The following TMEM117 variants were observed in gnomAD, a reference collection of about 807,000 sequenced individuals.
TMEM117 encodes the protein transmembrane protein 117.
In TMEM117, 27 loss-of-function variants were observed where a neutral mutation model predicts 52.4. That is an observed-to-expected ratio of 0.51 (90% CI 0.38 to 0.71). The LOEUF (loss-of-function observed/expected upper bound fraction) is 0.71. TMEM117 is among the 30% of genes least tolerant of loss of function. The pLI, the probability that TMEM117 is intolerant of heterozygous loss-of-function variation, is 0.00. For missense variants in TMEM117, 556 were observed against 630.5 expected (o/e 0.88, Z 1.26); for synonymous variants, 215 against 206.3 (o/e 1.04, Z -0.36).
chr12:44,164,430 C>T (rs1002044412), intron 4 of TMEM117, among the ~76,000 whole-genome samples: 1 of 152,086 alleles, frequency 6.6e-6, no homozygotes, highest in Non-Finnish European at 1.5e-5. Flanking sequence ...CATAACTTAG[C>T]CCCAACTTAT....
At chr12:43,859,744 T>G (rs1461153688) in intron 2 of TMEM117, among the ~76,000 whole-genome samples, 2 of 152,162 alleles carry the variant, frequency 1.3e-5, no homozygotes, top group African/African-American at 4.8e-5. Context: ...GGAAGACTGA[T>G]AGTGCAAATA....
At position 44,277,179 on chromosome 12, in the gene TMEM117, A is replaced by G. The variant is rs11182456; in HGVS notation, c.609-22401A>G. On this transcript the variant is annotated intron_variant, in intron 5 of 7. Transcript: ENST00000266534. ...ATTTTTATTTTCTAATTCAATGATC[A>G]TTTTCCTGTGAATACATGTTTTTGC... is the stretch of plus-strand genomic sequence containing the variant. 2.4e-3 allele frequency among the ~76,000 whole-genome samples: 359 copies of G among 152,046 alleles called. 10 individuals carry two copies. Among genetic ancestry groups the G allele is most frequent in the Admixed American group, 0.02 (300 of 15,252 alleles).
At chr12:44,080,835 G>A (rs942486583) in intron 3 of TMEM117, among the ~76,000 whole-genome samples, 4 of 152,088 alleles carry the variant, frequency 2.6e-5, no homozygotes, top group Admixed American at 1.3e-4. Flanking sequence ...GTTACATATG[G>A]CTACTTTTGT....
At chr12:44,253,674 G>A (rs527996608) in intron 5 of TMEM117, among the ~76,000 whole-genome samples, 2 of 152,200 alleles carry the variant, frequency 1.3e-5, no homozygotes, top group Admixed American at 6.5e-5. Flanking sequence ...TCACATCATA[G>A]TGAAGCTGAC....
At chr12:44,001,616 TA>T (rs1349684852) in intron 3 of TMEM117, among the ~76,000 whole-genome samples, 2 of 151,532 alleles carry the variant, frequency 1.3e-5, no homozygotes, top group African/African-American at 4.9e-5. Context: ...GAGGCAATAT[TA>T]GGGGCTAAAA....
At chr12:44,221,942 G>T (rs930070477) in intron 5 of TMEM117, among the ~76,000 whole-genome samples, 1 of 151,918 alleles carries the variant, frequency 6.6e-6, no homozygotes, top group Non-Finnish European at 1.5e-5. Context: ...CAGGTAATCC[G>T]CCCGCCTTAG....
At chr12:43,802,532 C>T in the TMEM117 span, 1 of 1,158,212 alleles carries the variant, frequency 8.6e-7, no homozygotes, top group Non-Finnish European at 1.2e-6. Context: ...GTGATGAAGA[C>T]TAGAAAAATA....
chr12:44,196,897 A>G (rs1949427867), intron 4 of TMEM117, among the ~76,000 whole-genome samples: 1 of 152,226 alleles, frequency 6.6e-6, no homozygotes, highest in South Asian at 2.1e-4. Flanking sequence ...CAGATGGTTG[A>G]GTTACCAGTC....
intron 2 of TMEM117, among the ~76,000 whole-genome samples, chr12:43,864,168 G>A (rs1943541228): frequency 6.6e-6 from 1 of 152,168 alleles, no homozygotes; most frequent in Non-Finnish European, 1.5e-5. Flanking sequence ...CCATGCCTGA[G>A]TCTCCCTCAC....
intron 7 of TMEM117, 76 bp from the exon 8 acceptor site, chr12:44,387,950 T>G: frequency 7.9e-7 from 1 of 1,270,984 alleles, no homozygotes; most frequent in Non-Finnish European, 1.1e-6. Context: ...TATACCATTA[T>G]CCTCATTTTA....
At chr12:44,022,387 C>A (rs1592448201) in intron 3 of TMEM117, among the ~76,000 whole-genome samples, 1 of 152,120 alleles carries the variant, frequency 6.6e-6, no homozygotes, top group Admixed American at 6.6e-5. Flanking sequence ...GGCCTCATGA[C>A]TTGGGCGTCC....
intron 2 of TMEM117, among the ~76,000 whole-genome samples, chr12:43,877,659 G>A (rs1471488079): frequency 1.3e-5 from 2 of 150,730 alleles, no homozygotes; most frequent in African/African-American, 4.9e-5. Flanking sequence ...AAGTGTTTTT[G>A]TATAAACATA....
chr12:43,874,676 A>G (rs747446790), intron 2 of TMEM117, among the ~76,000 whole-genome samples: 43 of 152,216 alleles, frequency 2.8e-4, no homozygotes, highest in Middle Eastern at 3.2e-3. Context: ...TTGTTAGTCT[A>G]CACAGGTTCT....
chr12:44,029,585 C>T (rs1946600532), intron 3 of TMEM117, among the ~76,000 whole-genome samples: 1 of 152,170 alleles, frequency 6.6e-6, no homozygotes, highest in South Asian at 2.1e-4. Flanking sequence ...CCTCGCTTTC[C>T]CCACTCTGCC....
chr12:44,347,861 G>T (rs1424901323), intron 6 of TMEM117, among the ~76,000 whole-genome samples: 3 of 151,946 alleles, frequency 2.0e-5, no homozygotes, highest in Admixed American at 2.0e-4. Context: ...TTATCATTTT[G>T]GGACTTTTAA....
chr12:43,964,052 A>G (rs1341669400), intron 3 of TMEM117, among the ~76,000 whole-genome samples: 1 of 152,134 alleles, frequency 6.6e-6, no homozygotes, highest in Non-Finnish European at 1.5e-5. Context: ...TGAAACAACA[A>G]AGTTTATTTC....
intron 6 of TMEM117, among the ~76,000 whole-genome samples, chr12:44,325,930 G>T (rs1276138112): frequency 2.0e-5 from 3 of 152,182 alleles, no homozygotes; most frequent in Non-Finnish European, 4.4e-5. Flanking sequence ...GGTGTCCAAG[G>T]GGGGCAGATC....
chr12:44,191,274 T>TC (rs1050230346), intron 4 of TMEM117, among the ~76,000 whole-genome samples: 16 of 152,038 alleles, frequency 1.1e-4, no homozygotes, highest in Admixed American at 1.0e-3. Flanking sequence ...AACTGGTCCC[T>TC]CCCATGGCAT....
At chr12:44,361,324 T>C (rs933075815) in intron 6 of TMEM117, among the ~76,000 whole-genome samples, 6 of 152,150 alleles carry the variant, frequency 3.9e-5, no homozygotes, top group African/African-American at 1.2e-4. Context: ...TAGAGAATGA[T>C]TGGTTAATTT....
Sources: gnomAD v4.1 joint callset for allele counts (sites outside exome capture counted in the v4.1 genomes callset) on GRCh38, gnomAD v4.1.1 for gene constraint, MANE v1.5 for transcripts, NCBI Gene and HGNC (gene_info 2026-07-23, HGNC 2026-07-21) for gene names.